KLHL18: variants seen among roughly 807,000 people sequenced by gnomAD.
KLHL18 encodes kelch like family member 18.
Under a neutral mutation model 58.5 loss-of-function variants are expected in KLHL18, and 38 were observed. The ratio of observed to expected loss-of-function variants is 0.65; its 90% CI spans 0.50 to 0.85. The LOEUF is 0.85. Among genes scored for constraint, KLHL18 ranks in the 40% least tolerant of loss-of-function variants. The probability of loss-of-function intolerance (pLI) is 0.00; values close to 1 mark genes in which losing one functional copy is unlikely to be tolerated. For missense variants in KLHL18, 624 were observed against 778.4 expected (o/e 0.80, Z 2.36); for synonymous variants, 303 against 301.9 (o/e 1.00, Z -0.04).
chr3:47,297,485 A>G (rs1702921135), intron 1 of KLHL18: 1 of 452,176 alleles, frequency 2.2e-6, no homozygotes, highest in Admixed American at 2.4e-5. Context: ...CTGGGAATGC[A>G]CTGTTACCCT....
chr3:47,290,995 C>T (rs760580678), intron 1 of KLHL18, among the ~76,000 whole-genome samples: 2 of 152,104 alleles, frequency 1.3e-5, no homozygotes, highest in African/African-American at 2.4e-5. Context: ...CTGGACTATC[C>T]GTTACCAGTC....
At chr3:47,305,974 CTGT>C (rs1703139410) in intron 1 of KLHL18, among the ~76,000 whole-genome samples, 1 of 151,924 alleles carries the variant, frequency 6.6e-6, no homozygotes, top group African/African-American at 2.4e-5. Context: ...TTTGTCTTTT[CTGT>C]CTTTGTCAAT....
chr3:47,303,035 C>G (rs6799812), intron 1 of KLHL18, among the ~76,000 whole-genome samples: 10,665 of 152,182 alleles, frequency 0.07, 1,252 homozygotes, highest in African/African-American at 0.24. Context: ...TATCTTGAAA[C>G]TCTTCACCCC....
At chr3:47,324,294 C>CTTTTTTTTTTTTTTTTTTTTTTTTTTTTT (rs1559498832) in intron 3 of KLHL18, among the ~76,000 whole-genome samples, 2 of 10,606 alleles carry the variant, frequency 1.9e-4, no homozygotes, top group Admixed American at 1.6e-3. Context: ...CTTTTTCTTT[C>CTTTTTTTTTTTTTTTTTTTTTTTTTTTTT]TTTCTTTTTT....
intron 8 of KLHL18, 56 bp from the exon 9 acceptor site, chr3:47,342,663 G>A: frequency 6.9e-7 from 1 of 1,458,302 alleles, no homozygotes; most frequent in Non-Finnish European, 9.6e-7. Context: ...GCTGTCTTGA[G>A]GGAACAAGAA....
At chr3:47,320,598 GATTTATA>G (rs1444456014) in intron 2 of KLHL18, among the ~76,000 whole-genome samples, 1 of 152,118 alleles carries the variant, frequency 6.6e-6, no homozygotes, top group African/African-American at 2.4e-5. Flanking sequence ...ACCGGAAGAG[GATTTATA>G]TACCCATGGC....
At chr3:47,286,873 A>C (rs1289179760) in intron 1 of KLHL18, among the ~76,000 whole-genome samples, 1 of 151,980 alleles carries the variant, frequency 6.6e-6, no homozygotes, top group African/African-American at 2.4e-5. Context: ...AAATGGTACC[A>C]CTTCCTTGTC....
intron 1 of KLHL18, among the ~76,000 whole-genome samples, chr3:47,300,307 A>ATGTG (rs1455638771): frequency 6.9e-6 from 1 of 145,912 alleles, no homozygotes; most frequent in African/African-American, 2.5e-5. Context: ...ATATATATAT[A>ATGTG]TATGTGTGTA....
At position 47,340,605 on chromosome 3, in the gene KLHL18, C is replaced by A. The variant is rs572209241; in HGVS notation, c.1155C>A (p.Ile385=). The part of the protein sequence containing the change: ...AMGTVVLDGQ[I]YVCGGYDGNS... ...GGACAGTCGTGCTGGATGGGCAGAT[C>A]TACGTCTGTGGGGGCTACGATGGCA... Residue 385 remains isoleucine, a synonymous_variant, in exon 8 of 10, where the codon ATC becomes ATA. Transcript: ENST00000232766. 3.3e-5 allele frequency: 53 copies of A among 1,613,878 alleles called. No homozygotes were observed. The highest frequency in any genetic ancestry group is 1.6e-4 in the Middle Eastern group (1 of 6,084).
At chr3:47,300,098 C>G (rs549536634) in intron 1 of KLHL18, among the ~76,000 whole-genome samples, 38 of 151,154 alleles carry the variant, frequency 2.5e-4, no homozygotes, top group African/African-American at 9.0e-4. Flanking sequence ...TCTTTCCCTT[C>G]TCCATTCCCT....
At chr3:47,292,503 C>A (rs1232165172) in intron 1 of KLHL18, among the ~76,000 whole-genome samples, 8 of 151,670 alleles carry the variant, frequency 5.3e-5, no homozygotes, top group African/African-American at 1.9e-4. Context: ...AAAAAATAAG[C>A]TCAAGAACAG....
chr3:47,320,672 A>G (rs903363662), intron 2 of KLHL18, among the ~76,000 whole-genome samples: 3 of 152,162 alleles, frequency 2.0e-5, no homozygotes, highest in African/African-American at 7.2e-5. Context: ...AATCCAAACA[A>G]TTTGGGAGGT....
At chr3:47,298,476 C>T (rs1702945668) in intron 1 of KLHL18, among the ~76,000 whole-genome samples, 1 of 152,018 alleles carries the variant, frequency 6.6e-6, no homozygotes, top group Non-Finnish European at 1.5e-5. Context: ...TGAGTTGACT[C>T]ATTCAAAAAC....
intron 6 of KLHL18, 66 bp from the exon 7 acceptor site, chr3:47,336,469 C>A: frequency 1.5e-6 from 2 of 1,349,948 alleles, no homozygotes; most frequent in Non-Finnish European, 2.1e-6. Context: ...ATAATCAATG[C>A]CCAATAGCTG....
chr3:47,321,964 G>T (rs1215653716), intron 2 of KLHL18, among the ~76,000 whole-genome samples: 1 of 152,112 alleles, frequency 6.6e-6, no homozygotes, highest in Non-Finnish European at 1.5e-5. Flanking sequence ...TGGAGGTGAG[G>T]AGGATAGATA....
intron 1 of KLHL18, chr3:47,283,447 A>G: frequency 3.0e-6 from 1 of 330,638 alleles, no homozygotes; most frequent in African/African-American, 2.1e-5. Flanking sequence ...GCTGATGGGC[A>G]CCACTGAAGA....
chr3:47,293,375 G>C (rs1702829858), intron 1 of KLHL18, among the ~76,000 whole-genome samples: 1 of 152,188 alleles, frequency 6.6e-6, no homozygotes, highest in African/African-American at 2.4e-5. Context: ...TGTGACTGTA[G>C]ACACTAAAAA....
intron 3 of KLHL18, among the ~76,000 whole-genome samples, chr3:47,323,028 C>G (rs960759247): frequency 6.6e-6 from 1 of 152,054 alleles, no homozygotes; most frequent in Non-Finnish European, 1.5e-5. Context: ...TGCAGTGCTC[C>G]TCTACTGTTC....
At position 47,333,230 on chromosome 3, in the gene KLHL18, C is replaced by A; in HGVS notation, c.674C>A (p.Ser225Tyr). 1 of 1,614,152 alleles carries A rather than the reference C, an allele frequency of 6.2e-7. No individual in the cohort carries two copies. Among genetic ancestry groups the A allele is most frequent in the Non-Finnish European group, 8.5e-7 (1 of 1,180,022 alleles). Residue 225 changes from serine (S) to tyrosine (Y), a missense_variant, in exon 5 of 10, where the codon TCC becomes TAC. Physicochemically the swap from Ser to Tyr is moderately radical, Grantham distance 144. Transcript: ENST00000232766. ...QRGPYLPELL[S>Y]NIRLPLCRPQ... is the part of the protein sequence containing the mutation. ...GGTCCCTACCTGCCTGAGCTGCTGT[C>A]CAATATCCGCCTGCCCCTCTGTCGG... is the stretch of plus-strand genomic sequence containing the variant.
Sources: gnomAD v4.1 joint callset for allele counts (sites outside exome capture counted in the v4.1 genomes callset) on GRCh38, gnomAD v4.1.1 for gene constraint, MANE v1.5 for transcripts, NCBI Gene and HGNC (gene_info 2026-07-23, HGNC 2026-07-21) for gene names.